The following COL5A2 variants were observed in gnomAD, a reference collection of about 807,000 sequenced individuals.
The protein encoded by COL5A2 is collagen alpha-2(V) chain.
COL5A2 carries 23 observed loss-of-function variants against 208.2 expected under a neutral mutation model. The ratio of observed to expected loss-of-function variants is 0.11; its 90% CI spans 0.08 to 0.16. COL5A2 has a LOEUF of 0.16. Among genes scored for constraint, COL5A2 ranks in the 10% least tolerant of loss-of-function variants. COL5A2 has a pLI of 1.00. For missense variants in COL5A2, 1,590 were observed against 1,956.4 expected, an observed-to-expected ratio of 0.81 and a Z score of 3.53; for synonymous variants, 625 against 628.5, an observed-to-expected ratio of 0.99 and a Z score of 0.08.
rs746370523 is a variant in COL5A2, at chr2:189,092,317, A to C, written c.560T>G (p.Leu187Trp). The C allele has an allele frequency of 2.5e-6, 4 of 1,603,332 alleles. No homozygotes were observed. In the South Asian group the frequency reaches 4.5e-5, roughly 18 times the overall value. Residue 187 changes from leucine to tryptophan, a missense_variant, in exon 7 of 54, where the codon TTG (leucine) becomes TGG (tryptophan). By Grantham distance (61) the Leu-to-Trp change is moderately conservative. Coordinates refer to ENST00000374866, the MANE Select transcript of COL5A2 (RefSeq NM_000393.5). Reference protein sequence around the residue: ...GHPSHPGPDGLSRPFSAQMAG... With the variant: ...GHPSHPGPDGWSRPFSAQMAG... Reference sequence around the variant, plus strand: ...ACAATGCACACAACTCACCCTGCTCAAGCCATCGGGTCCTGGGTGGGACGG... The same window carrying C: ...ACAATGCACACAACTCACCCTGCTCCAGCCATCGGGTCCTGGGTGGGACGG...
At chr2:189,331,901 G>A in the COL5A2 span, among the ~76,000 whole-genome samples, 2 of 148,390 alleles carry the variant, frequency 1.3e-5, no homozygotes, top group East Asian at 4.1e-4. Context: ...AGTGAGCGGA[G>A]ATTGTGCCAC....
intron 51 of COL5A2, among the ~76,000 whole-genome samples, chr2:189,038,729 G>A (rs181536055): frequency 6.6e-5 from 10 of 152,012 alleles, no homozygotes; most frequent in Non-Finnish European, 1.2e-4. Flanking sequence ...ACACAGTCTC[G>A]CTCTGTCGCC....
chr2:189,037,699 A>G (rs989740819), intron 51 of COL5A2, among the ~76,000 whole-genome samples: 1 of 152,176 alleles, frequency 6.6e-6, no homozygotes, highest in Non-Finnish European at 1.5e-5. Flanking sequence ...TTTGATTCCA[A>G]AATGTCTTGG....
chr2:189,372,592 TA>T, the COL5A2 span, among the ~76,000 whole-genome samples: 1 of 152,180 alleles, frequency 6.6e-6, no homozygotes, highest in Non-Finnish European at 1.5e-5. Context: ...AATCATATTT[TA>T]AAATATGTAA....
chr2:189,212,430 G>A (rs1689225387), intron 1 of COL5A2, among the ~76,000 whole-genome samples: 1 of 152,022 alleles, frequency 6.6e-6, no homozygotes. Flanking sequence ...CTGAGGTCAG[G>A]AGTTCAAGAC....
chr2:189,097,602 T>A, intron 5 of COL5A2: 1 of 621,686 alleles, frequency 1.6e-6, no homozygotes, highest in South Asian at 1.5e-5. Context: ...TTAGCTTGAC[T>A]AGTAATTGCA....
At chr2:189,086,341 G>T (rs1037756877) in intron 9 of COL5A2, among the ~76,000 whole-genome samples, 1 of 152,118 alleles carries the variant, frequency 6.6e-6, no homozygotes, top group East Asian at 1.9e-4. Context: ...CAAACATCTT[G>T]ATTCTTATTT....
At chr2:189,152,533 T>C (rs1479303936) in intron 1 of COL5A2, among the ~76,000 whole-genome samples, 1 of 152,128 alleles carries the variant, frequency 6.6e-6, no homozygotes, top group Non-Finnish European at 1.5e-5. Flanking sequence ...TGGAACACAG[T>C]CAGGTGTCCA....
At chr2:189,219,379 AT>A (rs2105876853) in intron 1 of COL5A2, among the ~76,000 whole-genome samples, 1 of 152,294 alleles carries the variant, frequency 6.6e-6, no homozygotes, top group Admixed American at 6.5e-5. Context: ...GTTCAAACTT[AT>A]TATTTATTTT....
At chr2:189,254,233 T>A in the COL5A2 span, among the ~76,000 whole-genome samples, 1 of 152,354 alleles carries the variant, frequency 6.6e-6, no homozygotes, top group Admixed American at 6.5e-5. Flanking sequence ...TTTAAGATAA[T>A]TTTAACTTTT....
Position 189,033,154 on chromosome 2 carries a change from G to A in COL5A2, c.*916C>T, listed in dbSNP as rs1453473355. 6.6e-6 allele frequency: 1 copy of A among 152,538 alleles called. No homozygotes were observed. Among genetic ancestry groups the A allele is most frequent in the Non-Finnish European group, 1.5e-5 (1 of 68,006 alleles). 9.4% of individuals were successfully genotyped at this position (152,538 alleles called of 1,614,324 possible). A position where few individuals can be genotyped will look rare whatever the true frequency, so the allele number is the denominator to read the frequency against. On this transcript the variant is annotated 3_prime_UTR_variant, in exon 54 of 54. Transcript: ENST00000374866. ...ATCTTTTTCTTCATTATAGGCTTCA[G>A]GATGATGAGATTGTACATGTGGAAG...
chr2:189,039,681 C>A (rs1685518026), intron 50 of COL5A2, 118 bp from the exon 51 acceptor site: 2 of 974,412 alleles, frequency 2.1e-6, no homozygotes, highest in Non-Finnish European at 3.0e-6. Context: ...AAAGGGAGAT[C>A]TATGACTCGC....
intron 6 of COL5A2, among the ~76,000 whole-genome samples, chr2:189,095,637 G>A (rs1017710458): frequency 1.3e-5 from 2 of 152,098 alleles, no homozygotes; most frequent in Non-Finnish European, 2.9e-5. Flanking sequence ...GAAGGGTTGG[G>A]GAGTAGATTC....
chr2:189,266,802 G>T, the COL5A2 span, among the ~76,000 whole-genome samples: 1 of 152,032 alleles, frequency 6.6e-6, no homozygotes, highest in African/African-American at 2.4e-5. Flanking sequence ...TGTTATAAAA[G>T]ATATGTTAAA....
the COL5A2 span, among the ~76,000 whole-genome samples, chr2:189,423,250 A>G: frequency 1.3e-5 from 2 of 151,854 alleles, no homozygotes; most frequent in Non-Finnish European, 2.9e-5. Flanking sequence ...CAGTTTTAAG[A>G]GGGAAGTTTT....
chr2:189,306,289 T>C, the COL5A2 span, among the ~76,000 whole-genome samples: 4 of 152,280 alleles, frequency 2.6e-5, no homozygotes, highest in African/African-American at 7.2e-5. Context: ...CTACCTAACA[T>C]GCTCCAGAGC....
At chr2:189,432,450 A>G in the COL5A2 span, among the ~76,000 whole-genome samples, 1 of 152,212 alleles carries the variant, frequency 6.6e-6, no homozygotes, top group African/African-American at 2.4e-5. Context: ...TCACATGCAG[A>G]GACACACATA....
At chr2:189,110,081 A>C in intron 2 of COL5A2, 144 bp downstream of exon 2, 1 of 696,392 alleles carries the variant, frequency 1.4e-6, no homozygotes, top group Non-Finnish European at 2.6e-6. Context: ...GTGAGTGAGC[A>C]AAATCATTAA....
chr2:189,055,442 A>T (rs937466861), intron 35 of COL5A2, among the ~76,000 whole-genome samples: 2 of 152,168 alleles, frequency 1.3e-5, no homozygotes. Context: ...ATATTCTTTC[A>T]TCGTTTAATT....
Sources: gnomAD v4.1 joint callset for allele counts (sites outside exome capture counted in the v4.1 genomes callset) on GRCh38, gnomAD v4.1.1 for gene constraint, MANE v1.5 for transcripts, NCBI Gene and HGNC (gene_info 2026-07-23, HGNC 2026-07-21) for gene names.